Variants in PLCG2 observed in about 807,000 individuals in gnomAD.
The protein encoded by PLCG2 is phospholipase C gamma 2, also known as 1-phosphatidylinositol 4,5-bisphosphate phosphodiesterase gamma-2.
In PLCG2, 69 loss-of-function variants were observed where a neutral mutation model predicts 175.6. The observed-to-expected ratio is 0.39, with a 90% confidence interval of 0.32 to 0.48. The LOEUF (loss-of-function observed/expected upper bound fraction) is 0.48, where lower values mean the gene tolerates loss of function less well. Among genes scored for constraint, PLCG2 ranks in the 20% least tolerant of loss-of-function variants. The pLI, the probability that PLCG2 is intolerant of heterozygous loss-of-function variation, is 0.91. For synonymous variants in PLCG2, 827 were observed against 624.0 expected (o/e 1.33, Z -4.85); for missense variants, 1,798 against 1,650.9 (o/e 1.09, Z -1.54).
intron 2 of PLCG2, among the ~76,000 whole-genome samples, chr16:81,850,877 T>C (rs1313336756): frequency 6.6e-6 from 1 of 152,174 alleles, no homozygotes; most frequent in Non-Finnish European, 1.5e-5. Context: ...GGCAATAGGG[T>C]TAACTCCCTT....
At chr16:81,938,769 G>A (rs779782608) in intron 28 of PLCG2, 32 bp from the exon 29 acceptor site, 16 of 1,379,066 alleles carry the variant, frequency 1.2e-5, no homozygotes, top group Admixed American at 5.1e-5. Flanking sequence ...AGGACCCCAG[G>A]GGGGTTCCAA....
At chr16:81,785,378 C>T (rs540691603) in intron 1 of PLCG2, among the ~76,000 whole-genome samples, 12 of 152,282 alleles carry the variant, frequency 7.9e-5, no homozygotes, top group East Asian at 7.7e-4. Flanking sequence ...AGGGTTTGAA[C>T]GTGAAGCTGC....
At chr16:81,902,300 C>G (rs550496291) in intron 14 of PLCG2, among the ~76,000 whole-genome samples, 1 of 152,264 alleles carries the variant, frequency 6.6e-6, no homozygotes, top group African/African-American at 2.4e-5. Flanking sequence ...GCAGCTATCA[C>G]AAAATACCCT....
intron 1 of PLCG2, among the ~76,000 whole-genome samples, chr16:81,740,781 A>G (rs1430368565): frequency 6.7e-6 from 1 of 149,372 alleles, no homozygotes; most frequent in Non-Finnish European, 1.5e-5. Flanking sequence ...ACCAAAACAC[A>G]ACCAAAGCTT....
chr16:81,776,081 C>CG (rs768932030), upstream of PLCG2, among the ~76,000 whole-genome samples: 5 of 110,582 alleles, frequency 4.5e-5, 1 homozygote, highest in Non-Finnish European at 8.0e-5. Context: ...CTTTCTCTCT[C>CG]TCTCTCTCTT....
At chr16:81,919,839 G>C (rs574132969) in intron 20 of PLCG2, among the ~76,000 whole-genome samples, 175 bp downstream of exon 20, 1 of 152,192 alleles carries the variant, frequency 6.6e-6, no homozygotes. Context: ...TTATAGTGTA[G>C]TGTTGGGGAG....
chr16:81,801,724 A>C (rs1050296310), intron 2 of PLCG2, among the ~76,000 whole-genome samples: 1 of 151,846 alleles, frequency 6.6e-6, no homozygotes, highest in African/African-American at 2.4e-5. Context: ...TTTGTCACCC[A>C]GGCTGGAGTG....
rs187446555 is a variant in PLCG2, at chr16:81,958,056, G to T, written c.*58G>T. ...TGTGCGCATGTGTGTTTGCATGTAG[G>T]AGAACGTGCCCTATTCACACTCTGG... On this transcript the variant is annotated 3_prime_UTR_variant, in exon 33 of 33. Coordinates refer to ENST00000564138, the MANE Select transcript of PLCG2 (RefSeq NM_002661.5). 3 of 1,221,656 alleles carry T rather than the reference G, an allele frequency of 2.5e-6. No homozygotes were observed. The highest frequency in any genetic ancestry group is 3.6e-6 in the Non-Finnish European group (3 of 822,866). The allele number at this position is 1,221,656 out of a possible 1,614,324, so 75.7% of individuals were successfully genotyped here.
intron 14 of PLCG2, 66 bp downstream of exon 14, chr16:81,900,846 G>C (rs1193800782): frequency 2.7e-6 from 4 of 1,463,052 alleles, no homozygotes; most frequent in Non-Finnish European, 2.8e-6. Context: ...CCGGCTCTGG[G>C]TCCCGTTCAC....
rs571132843 is a variant in PLCG2 at position 81,923,471 on chromosome 16, G to C, written c.2308-14G>C. ...TCCCTGGCCTGACCTTTTCCTTCTT[G>C]TTTTCCCTGAAAGCCTCAGAGAACC... is the stretch of plus-strand genomic sequence containing the variant. On this transcript the variant is annotated splice_polypyrimidine_tract_variant and intron_variant, in intron 21 of 32. Transcript: ENST00000564138. 2 of 1,573,010 alleles carry C rather than the reference G, an allele frequency of 1.3e-6. No individual in the cohort carries two copies. The highest frequency in any genetic ancestry group is 3.3e-5 in the Admixed American group (2 of 59,782).
chr16:81,922,130 GT>G (rs1910086139), intron 21 of PLCG2, among the ~76,000 whole-genome samples: 1 of 152,198 alleles, frequency 6.6e-6, no homozygotes, highest in African/African-American at 2.4e-5. Flanking sequence ...AGGCTGCTCT[GT>G]TTGCAGGTGG....
At position 81,891,388 on chromosome 16, in the gene PLCG2, C is replaced by A. The variant is rs980725835; in HGVS notation, c.868-84C>A. The A allele has an allele frequency of 2.0e-5, 16 of 815,374 alleles. No homozygotes were observed. The African/African-American group carries it at 2.3e-4, about 12-fold the overall frequency. 50.5% of individuals were successfully genotyped at this position (815,374 alleles called of 1,614,324 possible). On this transcript the variant is annotated intron_variant, in intron 10 of 32. Coordinates refer to ENST00000564138, the MANE Select transcript of PLCG2 (RefSeq NM_002661.5). ...TTCCCGCATCAGAGCTGTTCTTCCCCCCTGGTGGGCGCAGACCAGAAACAA... is the reference window on the plus strand; with the variant it reads ...TTCCCGCATCAGAGCTGTTCTTCCCACCTGGTGGGCGCAGACCAGAAACAA...
chr16:81,805,041 T>A (rs571837899), intron 2 of PLCG2, among the ~76,000 whole-genome samples: 1 of 152,290 alleles, frequency 6.6e-6, no homozygotes, highest in South Asian at 2.1e-4. Flanking sequence ...TGCCCAAGGT[T>A]ACCAAAGTTT....
chr16:81,916,645 A>G (rs76666329), intron 19 of PLCG2, among the ~76,000 whole-genome samples: 1,531 of 149,080 alleles, frequency 0.01, 13 homozygotes, highest in Non-Finnish European at 0.015. Flanking sequence ...TACAGGACAT[A>G]TTTTTTTTTT....
chr16:81,952,664 A>T (rs758757624), intron 31 of PLCG2, among the ~76,000 whole-genome samples: 11 of 152,228 alleles, frequency 7.2e-5, no homozygotes, highest in Non-Finnish European at 1.5e-4. Context: ...AAATAGCCAC[A>T]TGTCTGTGAA....
intron 2 of PLCG2, among the ~76,000 whole-genome samples, chr16:81,848,472 G>A (rs1278401878): frequency 6.6e-6 from 1 of 152,126 alleles, no homozygotes; most frequent in Non-Finnish European, 1.5e-5. Context: ...TTCTTACCAT[G>A]CTCTGTCTCT....
intron 27 of PLCG2, among the ~76,000 whole-genome samples, chr16:81,936,657 A>T (rs1165057514): frequency 3.9e-5 from 6 of 152,180 alleles, no homozygotes. Context: ...GCATTAGTTC[A>T]TGTAATTAAA....
intron 2 of PLCG2, among the ~76,000 whole-genome samples, chr16:81,853,767 A>T (rs7500467): frequency 6.6e-6 from 1 of 151,978 alleles, no homozygotes; most frequent in Non-Finnish European, 1.5e-5. Context: ...AGCTGGCTAT[A>T]TAAGGCATAA....
rs3088217 is a variant in PLCG2 at position 81,962,346 on chromosome 16, G to C, written c.*4348G>C. The C allele has an allele frequency of 0.6, 123,695 of 206,180 alleles. 42,640 individuals are homozygous for C. The highest frequency in any genetic ancestry group is 0.74 in the Non-Finnish European group (74,917 of 101,198). The allele number at this position is 206,180 out of a possible 1,614,324, so 12.8% of individuals were successfully genotyped here. On this transcript the variant is annotated 3_prime_UTR_variant, in exon 33 of 33. Coordinates refer to ENST00000564138, the MANE Select transcript of PLCG2 (RefSeq NM_002661.5). ...CTAACCAACAAAAAGTTAATAATTA[G>C]ATTTGGAATTATACAGAATTAGAAA...
Sources: gnomAD v4.1 joint callset for allele counts (sites outside exome capture counted in the v4.1 genomes callset) on GRCh38, gnomAD v4.1.1 for gene constraint, MANE v1.5 for transcripts, NCBI Gene and HGNC (gene_info 2026-07-23, HGNC 2026-07-21) for gene names.